FMN1: variants seen among roughly 807,000 people sequenced by gnomAD.
The protein encoded by FMN1 is formin 1, also known as formin-1.
Under a neutral mutation model 132.4 loss-of-function variants are expected in FMN1, and 110 were observed. The ratio of observed to expected loss-of-function variants is 0.83; its 90% CI spans 0.71 to 0.97. FMN1 has a LOEUF of 0.97. Ranked by LOEUF, FMN1 falls within the 50% of genes least tolerant of loss-of-function variation. The pLI, the probability that FMN1 is intolerant of heterozygous loss-of-function variation, is 0.00. For synonymous variants in FMN1, 722 were observed against 651.7 expected, an observed-to-expected ratio of 1.11 and a Z score of -1.64; for missense variants, 1,792 against 1,705.3, an observed-to-expected ratio of 1.05 and a Z score of -0.90.
chr15:32,946,156 G>C (rs347919), intron 9 of FMN1, among the ~76,000 whole-genome samples: 2 of 152,180 alleles, frequency 1.3e-5, no homozygotes, highest in Non-Finnish European at 2.9e-5. Context: ...GTTAGGGTTT[G>C]CGGTGTTATG....
At chr15:32,979,896 G>A (rs769577699) in intron 7 of FMN1, among the ~76,000 whole-genome samples, 1 of 152,184 alleles carries the variant, frequency 6.6e-6, no homozygotes, top group Non-Finnish European at 1.5e-5. Flanking sequence ...AAGCAAGGAG[G>A]TATTTGGCTT....
intron 5 of FMN1, chr15:33,067,072 G>A (rs1296007858): frequency 6.2e-7 from 1 of 1,613,844 alleles, no homozygotes; most frequent in Non-Finnish European, 8.5e-7. Flanking sequence ...CTGGAAGTTG[G>A]AATGACTTCT....
At chr15:33,000,345 A>T (rs1422390307) in intron 7 of FMN1, among the ~76,000 whole-genome samples, 1 of 149,508 alleles carries the variant, frequency 6.7e-6, no homozygotes, top group African/African-American at 2.5e-5. Flanking sequence ...GCTACTCGGG[A>T]GGCTGAGGCA....
At chr15:32,818,990 T>C (rs1186567236) in intron 17 of FMN1, among the ~76,000 whole-genome samples, 1 of 150,962 alleles carries the variant, frequency 6.6e-6, no homozygotes, top group African/African-American at 2.4e-5. Context: ...AGAAAAACCA[T>C]AGCATTACCT....
chr15:32,976,364 T>C (rs1001863182), intron 7 of FMN1, among the ~76,000 whole-genome samples: 1 of 152,158 alleles, frequency 6.6e-6, no homozygotes, highest in Non-Finnish European at 1.5e-5. Flanking sequence ...AATGCTTAGG[T>C]AAGGCAAGGA....
At chr15:32,935,624 T>C (rs959688164) in intron 9 of FMN1, among the ~76,000 whole-genome samples, 3 of 151,794 alleles carry the variant, frequency 2.0e-5, no homozygotes, top group South Asian at 2.1e-4. Context: ...CCCTTAGACT[T>C]TCTTTACTCT....
At chr15:32,928,326 A>C (rs922735951) in intron 9 of FMN1, among the ~76,000 whole-genome samples, 3 of 142,060 alleles carry the variant, frequency 2.1e-5, no homozygotes, top group African/African-American at 8.4e-5. Context: ...AAGGAAAAGC[A>C]AAAAAAAAAG....
At chr15:33,142,583 A>T (rs1200234232) in intron 4 of FMN1, among the ~76,000 whole-genome samples, 1 of 152,208 alleles carries the variant, frequency 6.6e-6, no homozygotes, top group Non-Finnish European at 1.5e-5. Flanking sequence ...ATCTGTAAAG[A>T]TCTTGCTCTG....
At chr15:32,847,969 GT>G (rs1240926235) in intron 17 of FMN1, among the ~76,000 whole-genome samples, 2 of 152,144 alleles carry the variant, frequency 1.3e-5, no homozygotes, top group Non-Finnish European at 2.9e-5. Flanking sequence ...TTGGTTCTAT[GT>G]TTGTGATTAG....
chr15:32,840,652 C>A (rs2058726132), intron 17 of FMN1, among the ~76,000 whole-genome samples: 1 of 152,186 alleles, frequency 6.6e-6, no homozygotes, highest in Non-Finnish European at 1.5e-5. Flanking sequence ...AAGATGAGGA[C>A]AGGCAGTCGT....
chr15:33,034,481 G>A (rs989218886), intron 6 of FMN1, among the ~76,000 whole-genome samples: 2 of 152,166 alleles, frequency 1.3e-5, no homozygotes, highest in African/African-American at 2.4e-5. Flanking sequence ...GGAAGCTGAG[G>A]CAGAAGGACT....
intron 5 of FMN1, among the ~76,000 whole-genome samples, chr15:33,086,483 G>A (rs1441734068): frequency 1.3e-5 from 2 of 151,138 alleles, no homozygotes; most frequent in Non-Finnish European, 2.9e-5. Flanking sequence ...TTTTATAATT[G>A]TAAAAAATTA....
chr15:33,151,371 A>T, intron 4 of FMN1: 2 of 1,536,682 alleles, frequency 1.3e-6, no homozygotes, highest in Non-Finnish European at 1.7e-6. Context: ...TGAAGATCCC[A>T]ATGGAAGGCT....
intron 16 of FMN1, among the ~76,000 whole-genome samples, chr15:32,878,594 T>C (rs1293730829): frequency 6.6e-6 from 1 of 152,168 alleles, no homozygotes; most frequent in Non-Finnish European, 1.5e-5. Flanking sequence ...TATGACACAT[T>C]TGGCATATGC....
At chr15:32,996,534 A>G (rs957520007) in intron 7 of FMN1, among the ~76,000 whole-genome samples, 2 of 152,186 alleles carry the variant, frequency 1.3e-5, no homozygotes, top group Non-Finnish European at 2.9e-5. Flanking sequence ...GATCTTCCAG[A>G]GGCAGTTCAG....
intron 15 of FMN1, among the ~76,000 whole-genome samples, chr15:32,888,605 G>GA (rs1272429632): frequency 1.3e-5 from 2 of 152,226 alleles, no homozygotes; most frequent in Non-Finnish European, 2.9e-5. Context: ...ATGAAAAATG[G>GA]AAGAGGGGAA....
chr15:33,180,688 C>T (rs13380369), intron 2 of FMN1, among the ~76,000 whole-genome samples: 21,323 of 150,700 alleles, frequency 0.14, 2,935 homozygotes, highest in African/African-American at 0.36. Flanking sequence ...AATCTGGCCA[C>T]ATCGTGCCTC....
intron 6 of FMN1, among the ~76,000 whole-genome samples, chr15:33,057,870 G>A (rs185289760): frequency 1.3e-5 from 2 of 152,246 alleles, no homozygotes; most frequent in East Asian, 3.9e-4. Flanking sequence ...TTCCCATCTG[G>A]TTTCTATGGA....
chr15:33,048,630 C>CAAAAAAAAAAAAAAAAAAAA (rs1566865254), intron 6 of FMN1, among the ~76,000 whole-genome samples: 7 of 11,434 alleles, frequency 6.1e-4, no homozygotes, highest in African/African-American at 1.6e-3. Context: ...GGGCAATTTA[C>CAAAAAAAAAAAAAAAAAAAA]CAAAAAAAAA....
Sources: allele counts gnomAD v4.1 joint callset (sites outside exome capture counted in the v4.1 genomes callset), GRCh38; gene constraint gnomAD v4.1.1; transcripts MANE v1.5; gene names NCBI Gene and HGNC (gene_info 2026-07-23, HGNC 2026-07-21).